Variants in RERE observed in about 807,000 individuals in gnomAD.
RERE encodes arginine-glutamic acid dipeptide repeats.
In RERE, 40 loss-of-function variants were observed where a neutral mutation model predicts 146.1. That is an observed-to-expected ratio of 0.27 (90% CI 0.21 to 0.36). The LOEUF (loss-of-function observed/expected upper bound fraction) is 0.36, where lower values mean the gene tolerates loss of function less well. RERE is among the 10% of genes least tolerant of loss of function. RERE has a pLI of 1.00. For synonymous variants in RERE, 1,003 were observed against 866.0 expected (o/e 1.16, Z -2.78); for missense variants, 1,933 against 2,138.7 (o/e 0.90, Z 1.90).
chr1:8,802,725 T>C (rs1246293890), intron 1 of RERE, among the ~76,000 whole-genome samples: 1 of 152,226 alleles, frequency 6.6e-6, no homozygotes, highest in Non-Finnish European at 1.5e-5. Flanking sequence ...GGGCACAATC[T>C]CTGTCTTGGT....
chr1:8,680,997 T>C (rs779142093), intron 1 of RERE, among the ~76,000 whole-genome samples: 5 of 152,180 alleles, frequency 3.3e-5, no homozygotes, highest in Non-Finnish European at 7.3e-5. Flanking sequence ...AAATTTCCAA[T>C]GGCTCAACCA....
At position 8,367,393 on chromosome 1, in the gene RERE, GAA is replaced by G. The variant is rs199790742; in HGVS notation, c.1285-1421_1285-1420del. Among the ~76,000 whole-genome samples, 13 of 152,336 alleles carry G rather than the reference GAA, an allele frequency of 8.5e-5. No homozygotes were observed. The East Asian group carries it at 2.5e-3, about 29-fold the overall frequency. On this transcript the variant is annotated intron_variant, in intron 12 of 22. Coordinates refer to ENST00000400908, the MANE Select transcript of RERE (RefSeq NM_001042681.2). ...ATCTTATGCCTGGGCATTTTTGTAA[GAA>G]GTGGGACCACGGCTGCGGTCCCTAA...
intron 2 of RERE, among the ~76,000 whole-genome samples, chr1:8,625,331 T>C (rs537202805): frequency 6.6e-6 from 1 of 152,290 alleles, no homozygotes; most frequent in South Asian, 2.1e-4. Context: ...GCAGTGGCTA[T>C]AGAGAGAGTT....
chr1:8,815,861 GTA>G (rs982609224), intron 1 of RERE, among the ~76,000 whole-genome samples: 4 of 151,664 alleles, frequency 2.6e-5, no homozygotes, highest in African/African-American at 7.3e-5. Context: ...GTGTGTGTGT[GTA>G]TATGTGTGTC....
chr1:8,660,513 TCAGAA>T (rs1638430946), intron 1 of RERE, among the ~76,000 whole-genome samples: 1 of 152,172 alleles, frequency 6.6e-6, no homozygotes, highest in Admixed American at 6.5e-5. Flanking sequence ...TCTACAGAAC[TCAGAA>T]GAGATCATCT....
chr1:8,541,599 A>C (rs977323577), intron 6 of RERE, among the ~76,000 whole-genome samples: 1 of 152,220 alleles, frequency 6.6e-6, no homozygotes, highest in Non-Finnish European at 1.5e-5. Flanking sequence ...AATATTAAAC[A>C]AAGTAGAAAT....
At chr1:8,740,706 A>G (rs1289007099) in intron 1 of RERE, among the ~76,000 whole-genome samples, 1 of 152,162 alleles carries the variant, frequency 6.6e-6, no homozygotes, top group Non-Finnish European at 1.5e-5. Flanking sequence ...TAACACACAC[A>G]CATTAGCCTA....
intron 12 of RERE, among the ~76,000 whole-genome samples, chr1:8,412,400 A>C (rs1161541738): frequency 6.6e-6 from 1 of 152,226 alleles, no homozygotes; most frequent in East Asian, 1.9e-4. Flanking sequence ...CTAAAAGGAA[A>C]AAATATCCGT....
At chr1:8,454,750 A>T (rs958376987) in intron 11 of RERE, among the ~76,000 whole-genome samples, 1 of 152,044 alleles carries the variant, frequency 6.6e-6, no homozygotes, top group Non-Finnish European at 1.5e-5. Context: ...GGTTGCAGTG[A>T]GCCAAGATCG....
chr1:8,674,312 T>C (rs1263708389), intron 1 of RERE, among the ~76,000 whole-genome samples: 1 of 152,092 alleles, frequency 6.6e-6, no homozygotes, highest in Non-Finnish European at 1.5e-5. Flanking sequence ...ACCTGGACAT[T>C]ATCATCAGAA....
At chr1:8,771,461 T>A (rs1640947880) in intron 1 of RERE, among the ~76,000 whole-genome samples, 1 of 150,964 alleles carries the variant, frequency 6.6e-6, no homozygotes, top group Non-Finnish European at 1.5e-5. Flanking sequence ...GAGGCAGAGG[T>A]TGCAGTGAGC....
chr1:8,462,309 T>C (rs1471482165), intron 11 of RERE, among the ~76,000 whole-genome samples: 2 of 152,192 alleles, frequency 1.3e-5, no homozygotes, highest in African/African-American at 4.8e-5. Flanking sequence ...GTTTACAAAC[T>C]CGGAGGACAA....
chr1:8,359,996 G>A lies in RERE; in HGVS notation c.3396-10C>T. The A allele has an allele frequency of 1.2e-6, 2 of 1,611,412 alleles. No homozygotes were observed. Among genetic ancestry groups the A allele is most frequent in the Non-Finnish European group, 1.7e-6 (2 of 1,179,136 alleles). On this transcript the variant is annotated splice_polypyrimidine_tract_variant and intron_variant, in intron 18 of 22. Transcript: ENST00000400908. ...CAGGTGTTTGTAGAACCTGAGAAAA[G>A]CCACAGATCTTGCTGGGAGCTCCTG...
At position 8,423,723 on chromosome 1, in the gene RERE, CCGCGCGG is replaced by C. The variant is rs1353288040; in HGVS notation, c.1204-923_1204-917del. 3 of 979,428 alleles carry C rather than the reference CCGCGCGG, an allele frequency of 3.1e-6. No individual in the cohort carries two copies. In the East Asian group the frequency reaches 3.4e-4, roughly 112 times the overall value. The allele number at this position is 979,428 out of a possible 1,614,324, so 60.7% of individuals were successfully genotyped here. Reference sequence around the variant, plus strand: ...GGCTCGGCGTGTGACCGCGGCGGGGCCGCGCGGCGCGGGGCCCGGGGGGCGCGGGGCT... The same window carrying C: ...GGCTCGGCGTGTGACCGCGGCGGGGCCGCGGGGCCCGGGGGGCGCGGGGCT... On this transcript the variant is annotated intron_variant, in intron 11 of 22. Coordinates refer to ENST00000400908, the MANE Select transcript of RERE (RefSeq NM_001042681.2). This position sits in a 1 kb window ranked among gnomAD's most constrained non-coding sequence, Gnocchi z 5.4.
At chr1:8,452,613 T>A (rs1644402157) in intron 11 of RERE, among the ~76,000 whole-genome samples, 1 of 151,886 alleles carries the variant, frequency 6.6e-6, no homozygotes, top group Admixed American at 6.6e-5. Context: ...CTAACAATGA[T>A]AGGAACAGAA....
In RERE at chr1:8,800,273, T is replaced by A. The variant is rs937190287; in HGVS notation, c.-145+16887A>T. Among the ~76,000 whole-genome samples the A allele has an allele frequency of 1.7e-4, 21 of 120,470 alleles. 1 individual carries two copies. The highest frequency in any genetic ancestry group is 3.1e-4 in the African/African-American group (10 of 32,668). The allele number at this position is 120,470 out of a possible 152,430, so 79.0% of individuals were successfully genotyped here. ...GACTCTACGTCAAAAAAAAAAAAAA[T>A]ACATAAATTAAATGACTAAAATCCA... On this transcript the variant is annotated intron_variant, in intron 1 of 22. Coordinates refer to ENST00000400908, the MANE Select transcript of RERE (RefSeq NM_001042681.2).
intron 1 of RERE, among the ~76,000 whole-genome samples, chr1:8,742,860 C>A (rs1394203975): frequency 1.4e-5 from 2 of 144,042 alleles, no homozygotes; most frequent in African/African-American, 5.3e-5. Flanking sequence ...AGAGTGAGAT[C>A]CTGTCTCAAA....
At chr1:8,635,977 C>CTTAATT (rs1647096316) in intron 2 of RERE, among the ~76,000 whole-genome samples, 1 of 136,716 alleles carries the variant, frequency 7.3e-6, no homozygotes, top group Non-Finnish European at 1.6e-5. Context: ...CTTATCTTAT[C>CTTAATT]TTATTTTATT....
intron 2 of RERE, among the ~76,000 whole-genome samples, chr1:8,655,621 G>A (rs1282509848): frequency 6.6e-6 from 1 of 152,194 alleles, no homozygotes; most frequent in Non-Finnish European, 1.5e-5. Flanking sequence ...AGTCAATTCT[G>A]CAGGGTCACC....
Sources: gnomAD v4.1 joint callset for allele counts (sites outside exome capture counted in the v4.1 genomes callset) on GRCh38, gnomAD v4.1.1 for gene constraint, Gnocchi (gnomAD v3.1) non-coding constraint, MANE v1.5 for transcripts, NCBI Gene and HGNC (gene_info 2026-07-23, HGNC 2026-07-21) for gene names.